Variants in ANKRD62 observed in about 807,000 individuals in gnomAD.
ANKRD62 encodes the protein ankyrin repeat domain 62.
A neutral mutation model predicts 98.8 loss-of-function variants in ANKRD62; 61 were observed. That is an observed-to-expected ratio of 0.62 (90% CI 0.50 to 0.76). The LOEUF (loss-of-function observed/expected upper bound fraction) is 0.76, where lower values mean the gene tolerates loss of function less well. ANKRD62 is among the 30% of genes least tolerant of loss of function. The pLI is 0.00. For missense variants in ANKRD62, 933 were observed against 1,082.9 expected, an observed-to-expected ratio of 0.86 and a Z score of 1.94; for synonymous variants, 341 against 367.9, an observed-to-expected ratio of 0.93 and a Z score of 0.84.
chr18:12,173,498 G>A, the ANKRD62 span, among the ~76,000 whole-genome samples: 4 of 152,254 alleles, frequency 2.6e-5, no homozygotes, highest in Admixed American at 6.5e-5. Flanking sequence ...TTATATTGAA[G>A]GTTAGTATTA....
chr18:12,119,391 A>G (rs577226077), intron 10 of ANKRD62, among the ~76,000 whole-genome samples: 6 of 147,604 alleles, frequency 4.1e-5, no homozygotes, highest in Non-Finnish European at 8.9e-5. Flanking sequence ...ACAAAATACC[A>G]TAGACTGGGT....
rs1909887837 is a variant in ANKRD62 at position 12,126,167 on chromosome 18, A to G, written c.2346A>G (p.Gln782=). 6.5e-7 allele frequency: 1 copy of G among 1,536,126 alleles called. No individual in the cohort carries two copies. The highest frequency in any genetic ancestry group is 1.4e-5 in the African/African-American group (1 of 73,176). ...VEDGLFQLQS[Q]NLLYQQQCND... ...ATGGACTATTTCAACTACAAAGCCA[A>G]AATCTGTTGTATCAACAGCAGTGTA... The change falls in exon 13 of 14, where the codon CAA becomes CAG. Residue 782 remains glutamine (Q), a synonymous_variant. Coordinates refer to ENST00000587848, the MANE Select transcript of ANKRD62 (RefSeq NM_001277333.2).
chr18:12,177,761 T>G, the ANKRD62 span, among the ~76,000 whole-genome samples: 1 of 148,454 alleles, frequency 6.7e-6, no homozygotes, highest in South Asian at 2.2e-4. Flanking sequence ...GAATGTGCTT[T>G]CATGAGAGAC....
chr18:12,114,256 T>C lies in ANKRD62; in HGVS notation c.1065-832T>C, dbSNP rs538163146. Among the ~76,000 whole-genome samples the C allele has an allele frequency of 6.6e-5, 10 of 152,236 alleles. No individual in the cohort carries two copies. The South Asian group carries it at 1.2e-3, about 19-fold the overall frequency. On this transcript the variant is annotated intron_variant, in intron 8 of 13. Coordinates refer to ENST00000587848, the MANE Select transcript of ANKRD62 (RefSeq NM_001277333.2). ...AAACCCCGTGACACAAGTTTACATA[T>C]ATAACAAACTTGCAGTTGTACCACT...
chr18:12,165,201 C>T, the ANKRD62 span, among the ~76,000 whole-genome samples: 1 of 151,832 alleles, frequency 6.6e-6, no homozygotes, highest in Non-Finnish European at 1.5e-5. Context: ...GGCAACAGAT[C>T]ACTGGGTCTT....
At chr18:12,133,457 G>A (rs1204078945), downstream of ANKRD62, among the ~76,000 whole-genome samples, 1 of 152,170 alleles carries the variant, frequency 6.6e-6, no homozygotes, top group Admixed American at 6.5e-5. Flanking sequence ...TCAAGGAACT[G>A]TCAGGCTGTT....
chr18:12,115,232 G>A, intron 9 of ANKRD62, 111 bp downstream of exon 9: 1 of 1,284,110 alleles, frequency 7.8e-7, no homozygotes, highest in Admixed American at 3.1e-5. Context: ...TAAAGCAGCG[G>A]TAACCATTCA....
chr18:12,111,228 G>T (rs954077133), intron 8 of ANKRD62, among the ~76,000 whole-genome samples: 15 of 145,920 alleles, frequency 1.0e-4, no homozygotes, highest in African/African-American at 3.9e-4. Context: ...CAGCCTTGGT[G>T]ATAGAGCGAG....
chr18:12,137,170 T>C, the ANKRD62 span, among the ~76,000 whole-genome samples: 3 of 152,214 alleles, frequency 2.0e-5, no homozygotes, highest in Non-Finnish European at 4.4e-5. Flanking sequence ...TTCAGTATGA[T>C]ATTGGCTGTG....
chr18:12,114,308 A>C (rs1388912385), intron 8 of ANKRD62, among the ~76,000 whole-genome samples: 1 of 152,242 alleles, frequency 6.6e-6, no homozygotes, highest in Non-Finnish European at 1.5e-5. Context: ...CCAAGATTAA[A>C]ATCTTATTTT....
Position 12,094,065 on chromosome 18 carries a change from T to C in ANKRD62, c.48T>C (p.Ala16=). ...SFLAACRRRM[A]TWRKNRDKDG... is the part of the protein sequence containing the mutation. ...TGGCGGCCTGCAGGAGACGCATGGC[T>C]ACCTGGAGGAAGAATCGTGACAAGG... The change falls in exon 1 of 14, where the codon GCT becomes GCC. Residue 16 remains alanine, a synonymous_variant. Coordinates refer to ENST00000587848, the MANE Select transcript of ANKRD62 (RefSeq NM_001277333.2). The C allele has an allele frequency of 1.3e-6, 2 of 1,535,072 alleles. No homozygotes were observed. The highest frequency in any genetic ancestry group is 1.7e-6 in the Non-Finnish European group (2 of 1,146,748).
At chr18:12,166,792 G>A in the ANKRD62 span, among the ~76,000 whole-genome samples, 2 of 152,116 alleles carry the variant, frequency 1.3e-5, no homozygotes, top group South Asian at 2.1e-4. Context: ...TGTTACATAC[G>A]TATACCTGTG....
the ANKRD62 span, among the ~76,000 whole-genome samples, chr18:12,169,536 G>T: frequency 3.9e-5 from 6 of 152,136 alleles, no homozygotes; most frequent in African/African-American, 1.4e-4. Flanking sequence ...CTGTTTGCCA[G>T]TATTTTCTTG....
chr18:12,097,492 T>C (rs1909206947), intron 4 of ANKRD62, 148 bp from the exon 5 acceptor site: 1 of 867,856 alleles, frequency 1.2e-6, no homozygotes. Flanking sequence ...GATGAACCCT[T>C]GAGCACCCAA....
At chr18:12,114,255 A>G (rs770179762) in intron 8 of ANKRD62, among the ~76,000 whole-genome samples, 2 of 152,222 alleles carry the variant, frequency 1.3e-5, no homozygotes, top group Non-Finnish European at 2.9e-5. Flanking sequence ...AAGTTTACAT[A>G]TATAACAAAC....
intron 11 of ANKRD62, 53 bp downstream of exon 11, chr18:12,122,569 G>A: frequency 1.4e-6 from 2 of 1,403,696 alleles, no homozygotes; most frequent in Non-Finnish European, 1.9e-6. Flanking sequence ...CTAAGGATAT[G>A]TAGGATAATT....
intron 8 of ANKRD62, among the ~76,000 whole-genome samples, chr18:12,112,193 A>G (rs1909558271): frequency 6.6e-6 from 1 of 152,022 alleles, no homozygotes; most frequent in South Asian, 2.1e-4. Context: ...TACCATTGAC[A>G]TTCTTTACAG....
At chr18:12,169,958 G>A in the ANKRD62 span, among the ~76,000 whole-genome samples, 1 of 152,178 alleles carries the variant, frequency 6.6e-6, no homozygotes, top group Non-Finnish European at 1.5e-5. Flanking sequence ...TTGTATTTCT[G>A]TGGGATCAGT....
downstream of ANKRD62, among the ~76,000 whole-genome samples, chr18:12,134,460 G>A (rs1218729105): frequency 6.6e-6 from 1 of 151,882 alleles, no homozygotes; most frequent in Admixed American, 6.6e-5. Context: ...GCGCCATGTT[G>A]GTGTGCTGCA....
Sources: allele counts gnomAD v4.1 joint callset (sites outside exome capture counted in the v4.1 genomes callset), GRCh38; gene constraint gnomAD v4.1.1; transcripts MANE v1.5; gene names NCBI Gene and HGNC (gene_info 2026-07-23, HGNC 2026-07-21).